Variants in DOK5 observed in about 807,000 individuals in gnomAD.
DOK5 encodes the protein docking protein 5.
In DOK5, 27 loss-of-function variants were observed where a neutral mutation model predicts 43.3. That is an observed-to-expected ratio of 0.62 (90% confidence interval 0.46 to 0.86). The LOEUF is 0.86. DOK5 is among the 40% of genes least tolerant of loss of function. The probability of loss-of-function intolerance (pLI) is 0.00; values close to 1 mark genes in which losing one functional copy is unlikely to be tolerated. For synonymous variants in DOK5, 146 were observed against 140.1 expected (o/e 1.04, Z -0.30); for missense variants, 373 against 392.9 (o/e 0.95, Z 0.43).
At chr20:54,587,088 A>G (rs1985828231) in intron 2 of DOK5, among the ~76,000 whole-genome samples, 1 of 152,214 alleles carries the variant, frequency 6.6e-6, no homozygotes, top group Non-Finnish European at 1.5e-5. Context: ...TAGTTGTGAC[A>G]AGATGATAGT....
intron 6 of DOK5, among the ~76,000 whole-genome samples, chr20:54,628,871 C>A (rs765485496): frequency 4.6e-5 from 7 of 152,168 alleles, no homozygotes; most frequent in Non-Finnish European, 1.0e-4. Flanking sequence ...TTACACACTG[C>A]ACAAGCACAT....
rs1417781152 is a variant in DOK5 at position 54,591,728 on chromosome 20, C to T, written c.522C>T (p.Val174=). 6.2e-7 allele frequency: 1 copy of T among 1,614,100 alleles called. No individual in the cohort carries two copies. Among genetic ancestry groups the T allele is most frequent in the Non-Finnish European group, 8.5e-7 (1 of 1,180,030 alleles). The change falls in exon 5 of 8, where the codon GTC becomes GTT. Residue 174 remains valine, a synonymous_variant. Transcript: ENST00000262593. Reference sequence around the variant, plus strand: ...TTTGGGACGTCCAGAATCCCAGAGTCAAACTCATCTCTTGGCCGCTAAGCG... The same window carrying T: ...TTTGGGACGTCCAGAATCCCAGAGTTAAACTCATCTCTTGGCCGCTAAGCG... ...ICLWDVQNPR[V]KLISWPLSAL... is the part of the protein sequence containing the mutation.
chr20:54,490,254 A>G (rs1982112113), intron 1 of DOK5, among the ~76,000 whole-genome samples: 1 of 152,236 alleles, frequency 6.6e-6, no homozygotes, highest in African/African-American at 2.4e-5. Flanking sequence ...ATTATATGTT[A>G]ACTGTTACTG....
intron 7 of DOK5, among the ~76,000 whole-genome samples, chr20:54,649,002 A>G (rs1979573606): frequency 6.6e-6 from 1 of 152,202 alleles, no homozygotes; most frequent in Non-Finnish European, 1.5e-5. Context: ...CAAAACAAAA[A>G]CAAGAAAAAC....
chr20:54,570,337 C>A (rs961589779), intron 2 of DOK5, among the ~76,000 whole-genome samples: 2 of 152,044 alleles, frequency 1.3e-5, no homozygotes, highest in Admixed American at 6.5e-5. Flanking sequence ...TTGAAGACAA[C>A]GTACAAAAGT....
chr20:54,617,684 A>G (rs925497383), intron 6 of DOK5, among the ~76,000 whole-genome samples: 12 of 152,194 alleles, frequency 7.9e-5, no homozygotes, highest in African/African-American at 2.4e-4. Flanking sequence ...GCACCACACA[A>G]GGGTATGCCC....
intron 1 of DOK5, among the ~76,000 whole-genome samples, chr20:54,520,390 A>G (rs577875253): frequency 6.6e-6 from 1 of 152,242 alleles, no homozygotes; most frequent in South Asian, 2.1e-4. Flanking sequence ...GGCTATTGCA[A>G]TCACCTTCTA....
chr20:54,496,897 T>C (rs1211560329), intron 1 of DOK5, among the ~76,000 whole-genome samples: 1 of 152,136 alleles, frequency 6.6e-6, no homozygotes, highest in Non-Finnish European at 1.5e-5. Flanking sequence ...TGAGATTTCA[T>C]GATTTCTCTA....
At chr20:54,528,950 T>A (rs913750746) in intron 1 of DOK5, among the ~76,000 whole-genome samples, 1 of 152,198 alleles carries the variant, frequency 6.6e-6, no homozygotes, top group Non-Finnish European at 1.5e-5. Flanking sequence ...ATAGAAAAGA[T>A]GATTCTCTAT....
chr20:54,509,172 G>A lies in DOK5; in HGVS notation c.66+33160G>A, dbSNP rs1379506547. ...ATTACAGGTGTGAGCCACCGCACCC[G>A]GCCTAATTTTTAATTTTAATTTTAA... On this transcript the variant is annotated intron_variant, in intron 1 of 7. Coordinates refer to ENST00000262593, the MANE Select transcript of DOK5 (RefSeq NM_018431.5). Among the ~76,000 whole-genome samples, 7 of 152,052 alleles carry A rather than the reference G, an allele frequency of 4.6e-5. No individual in the cohort carries two copies. In the East Asian group the frequency reaches 5.8e-4, roughly 13 times the overall value.
chr20:54,644,997 CTTTTTTTTTTTTT>C (rs869031533), intron 7 of DOK5, among the ~76,000 whole-genome samples: 14 of 82,414 alleles, frequency 1.7e-4, no homozygotes, highest in African/African-American at 4.2e-4. Flanking sequence ...TAAAAAAACT[CTTTTTTTTTTTTT>C]TTTTTTTTTT....
At chr20:54,515,640 A>G (rs1227489600) in intron 1 of DOK5, among the ~76,000 whole-genome samples, 1 of 152,218 alleles carries the variant, frequency 6.6e-6, no homozygotes, top group Non-Finnish European at 1.5e-5. Context: ...ATGTCAGTTC[A>G]GATGCAAATT....
At chr20:54,593,250 CTG>C (rs1741708257) in intron 5 of DOK5, among the ~76,000 whole-genome samples, 1 of 143,924 alleles carries the variant, frequency 6.9e-6, no homozygotes, top group African/African-American at 2.8e-5. Context: ...GAGCGAGACT[CTG>C]TCTCCCAGAA....
At chr20:54,638,698 T>C (rs1234158995) in intron 6 of DOK5, among the ~76,000 whole-genome samples, 4 of 152,020 alleles carry the variant, frequency 2.6e-5, no homozygotes, top group Non-Finnish European at 5.9e-5. Context: ...GTCAGGAGTA[T>C]GGGTCACGTG....
intron 1 of DOK5, among the ~76,000 whole-genome samples, chr20:54,544,623 C>T (rs1984276001): frequency 6.6e-6 from 1 of 152,140 alleles, no homozygotes; most frequent in Non-Finnish European, 1.5e-5. Context: ...GAGACCGGAG[C>T]CTCTGTGGAC....
rs1008435348 is a variant in DOK5 at position 54,475,766 on chromosome 20, A to G, written c.-181A>G. ...GGCTGCAAGCCGGCCGCCCACTGTC[A>G]GGGTTGGGGGGACAGAGAAAGTGAT... On this transcript the variant is annotated 5_prime_UTR_variant, in exon 1 of 8. Coordinates refer to ENST00000262593, the MANE Select transcript of DOK5 (RefSeq NM_018431.5). This position sits in a 1 kb window ranked among gnomAD's most constrained non-coding sequence, Gnocchi z 4.2. 6.9e-6 allele frequency: 5 copies of G among 723,948 alleles called. No individual in the cohort carries two copies. The highest frequency in any genetic ancestry group is 1.1e-5 in the Non-Finnish European group (5 of 453,550). 44.8% of individuals were successfully genotyped at this position (723,948 alleles called of 1,614,324 possible).
chr20:54,644,475 C>T (rs538074882), intron 7 of DOK5, among the ~76,000 whole-genome samples: 1 of 151,968 alleles, frequency 6.6e-6, no homozygotes, highest in Admixed American at 6.6e-5. Context: ...GAGGCCGAGG[C>T]GGGCGGATCA....
At chr20:54,539,279 CAAAAAAAAAAAAA>C (rs57981823) in intron 1 of DOK5, among the ~76,000 whole-genome samples, 1 of 44,730 alleles carries the variant, frequency 2.2e-5, no homozygotes, top group South Asian at 1.1e-3. Context: ...GCTCCATCTC[CAAAAAAAAAAAAA>C]AAAAAAAAAA....
rs547896444 is a variant in DOK5 at position 54,475,856 on chromosome 20, C to T, written c.-91C>T. On this transcript the variant is annotated 5_prime_UTR_variant, in exon 1 of 8. Coordinates refer to ENST00000262593, the MANE Select transcript of DOK5 (RefSeq NM_018431.5). The surrounding 1 kb of genome is among the most constrained non-coding windows in gnomAD (Gnocchi z 4.2). ...CTTCACCTCTCCAACTTTCTCCCACCGACTGCTTGTCTTGACCCTGCCCTC... is the reference window on the plus strand; with the variant it reads ...CTTCACCTCTCCAACTTTCTCCCACTGACTGCTTGTCTTGACCCTGCCCTC... The T allele has an allele frequency of 7.5e-5, 113 of 1,510,656 alleles. 1 individual carries two copies. In the African/African-American group the frequency reaches 1.3e-3, roughly 18 times the overall value. The allele number at this position is 1,510,656 out of a possible 1,614,324, so 93.6% of individuals were successfully genotyped here.
Sources: gnomAD v4.1 joint callset for allele counts (sites outside exome capture counted in the v4.1 genomes callset) on GRCh38, gnomAD v4.1.1 for gene constraint, Gnocchi (gnomAD v3.1) non-coding constraint, MANE v1.5 for transcripts, NCBI Gene and HGNC (gene_info 2026-07-23, HGNC 2026-07-21) for gene names.